BRI3BP: variants seen among roughly 807,000 people sequenced by gnomAD.
BRI3BP encodes the protein BRI3-binding protein.
A neutral mutation model predicts 15.8 loss-of-function variants in BRI3BP; 7 were observed. The observed-to-expected ratio is 0.44, with a 90% CI of 0.25 to 0.83. The LOEUF is 0.83. Ranked by LOEUF, BRI3BP falls within the 40% of genes least tolerant of loss-of-function variation. The pLI is 0.20. For synonymous variants in BRI3BP, 192 were observed against 163.5 expected (o/e 1.17, Z -1.33); for missense variants, 320 against 339.3 (o/e 0.94, Z 0.45).
At chr12:125,006,488 C>G (rs1955145299) in intron 1 of BRI3BP, among the ~76,000 whole-genome samples, 2 of 152,218 alleles carry the variant, frequency 1.3e-5, no homozygotes, top group South Asian at 4.1e-4. Flanking sequence ...GCTAGGAGCT[C>G]CTCAGGCACG....
chr12:125,011,719 AT>A (rs35706724), intron 1 of BRI3BP, among the ~76,000 whole-genome samples: 37,460 of 151,408 alleles, frequency 0.25, 4,692 homozygotes, highest in Non-Finnish European at 0.27. Flanking sequence ...AATATCACTA[AT>A]TTTTTAAAAA....
At chr12:125,042,638 G>A in the BRI3BP span, among the ~76,000 whole-genome samples, 28,214 of 151,770 alleles carry the variant, frequency 0.19, 2,813 homozygotes, top group Middle Eastern at 0.3. Context: ...GGGTTCAAGC[G>A]ATTCTCCTGC....
At chr12:125,050,443 A>G in the BRI3BP span, among the ~76,000 whole-genome samples, 9 of 152,232 alleles carry the variant, frequency 5.9e-5, no homozygotes, top group African/African-American at 2.2e-4. Context: ...AAGGCTAATA[A>G]AAATAAAAGA....
chr12:125,020,997 T>C (rs1325028394), intron 2 of BRI3BP, among the ~76,000 whole-genome samples: 1 of 152,144 alleles, frequency 6.6e-6, no homozygotes, highest in Non-Finnish European at 1.5e-5. Flanking sequence ...AAACGAAAGC[T>C]CTGGGGACGC....
Position 125,025,007 on chromosome 12 carries a change from G to C in BRI3BP, c.333G>C (p.Gln111His), listed in dbSNP as rs1277620980. ...VLGLDVSNLS[Q>H]YFSPASVSSS... The stretch of plus-strand genomic sequence containing the variant: ...GTCCCGCAGTCTCCAACCTGTCCCA[G>C]TATTTCAGCCCAGCCTCGGTGTCCA... The change falls in exon 3 of 3, where the codon CAG (glutamine) becomes CAC (histidine). Residue 111 changes from glutamine (Q) to histidine (H), a missense_variant. Gln to His is a conservative substitution (Grantham distance 24). Transcript: ENST00000341446. The C allele has an allele frequency of 6.2e-7, 1 of 1,612,810 alleles. No individual in the cohort carries two copies. Among genetic ancestry groups the C allele is most frequent in the South Asian group, 1.1e-5 (1 of 91,020 alleles).
chr12:124,994,514 A>T (rs1181288916), intron 1 of BRI3BP, among the ~76,000 whole-genome samples: 1 of 152,156 alleles, frequency 6.6e-6, no homozygotes, highest in Non-Finnish European at 1.5e-5. Flanking sequence ...CAGGAAAAGA[A>T]GGGAGCAATG....
chr12:124,995,348 C>T (rs910085371), intron 1 of BRI3BP, among the ~76,000 whole-genome samples: 2 of 152,044 alleles, frequency 1.3e-5, no homozygotes, highest in Non-Finnish European at 2.9e-5. Flanking sequence ...GGGAGTCTCA[C>T]TTACTTCCTC....
intron 1 of BRI3BP, among the ~76,000 whole-genome samples, chr12:125,004,744 C>T (rs961307844): frequency 6.6e-6 from 1 of 152,118 alleles, no homozygotes; most frequent in Admixed American, 6.6e-5. Context: ...CATCTGGGAT[C>T]CCACCCGATA....
rs1955013899 is a variant in BRI3BP at position 124,993,670 on chromosome 12, C to T, written c.-121C>T. On this transcript the variant is annotated 5_prime_UTR_variant, in exon 1 of 3. Transcript: ENST00000341446. Reference sequence around the variant, plus strand: ...GGTGGCGCAGCAGCGGCGGCGGCGGCTGTGGGTAAAGGCGCGGCGCGCGGC... The same window carrying T: ...GGTGGCGCAGCAGCGGCGGCGGCGGTTGTGGGTAAAGGCGCGGCGCGCGGC... The T allele has an allele frequency of 4.3e-6, 2 of 465,224 alleles. No individual in the cohort carries two copies. Among genetic ancestry groups the T allele is most frequent in the African/African-American group, 4.3e-5 (2 of 46,208 alleles). The allele number at this position is 465,224 out of a possible 1,614,324, so 28.8% of individuals were successfully genotyped here.
chr12:125,000,016 CT>C (rs66571863), intron 1 of BRI3BP, among the ~76,000 whole-genome samples: 9,254 of 40,832 alleles, frequency 0.23, 758 homozygotes, highest in Non-Finnish European at 0.26. Context: ...TTTGGTTTTT[CT>C]TTTTTTTTTT....
rs894810629 is a variant in BRI3BP, at chr12:125,002,377, C to T, written c.213+8374C>T. 2.0e-5 allele frequency among the ~76,000 whole-genome samples: 3 copies of T among 151,964 alleles called. No individual in the cohort carries two copies. The East Asian group carries it at 5.8e-4, about 29-fold the overall frequency. The stretch of plus-strand genomic sequence containing the variant: ...CTTGTCAGCACTTGCTATGGTCTAC[C>T]TTTTTAATTCTAGCCATCTTGGCAG... On this transcript the variant is annotated intron_variant, in intron 1 of 2. Coordinates refer to ENST00000341446, the MANE Select transcript of BRI3BP (RefSeq NM_080626.6).
the BRI3BP span, among the ~76,000 whole-genome samples, chr12:125,036,273 T>G: frequency 1.3e-5 from 2 of 151,434 alleles, no homozygotes; most frequent in African/African-American, 2.4e-5. Context: ...ACCATGTTGG[T>G]CAGACTGGTC....
At chr12:125,011,824 T>G (rs1955199149) in intron 1 of BRI3BP, among the ~76,000 whole-genome samples, 1 of 152,150 alleles carries the variant, frequency 6.6e-6, no homozygotes, top group Non-Finnish European at 1.5e-5. Flanking sequence ...TCAGGGTCCT[T>G]AGAGTTGGAT....
chr12:125,002,530 C>T (rs12817718), intron 1 of BRI3BP, among the ~76,000 whole-genome samples: 5 of 150,038 alleles, frequency 3.3e-5, no homozygotes, highest in Middle Eastern at 3.4e-3. Flanking sequence ...AATCTCTGCT[C>T]ACTGCAACCT....
chr12:125,010,535 T>C (rs1027452581), intron 1 of BRI3BP, among the ~76,000 whole-genome samples: 1 of 152,124 alleles, frequency 6.6e-6, no homozygotes, highest in African/African-American at 2.4e-5. Context: ...TCCCAGCACT[T>C]TGGGAAGCTG....
In BRI3BP at chr12:125,028,961, C is replaced by T. The variant is rs755380805; in HGVS notation, c.*3531C>T. The T allele has an allele frequency of 3.3e-5, 5 of 152,086 alleles. No individual in the cohort carries two copies. Among genetic ancestry groups the T allele is most frequent in the African/African-American group, 7.2e-5 (3 of 41,408 alleles). The allele number at this position is 152,086 out of a possible 1,614,324, so 9.4% of individuals were successfully genotyped here. On this transcript the variant is annotated 3_prime_UTR_variant, in exon 3 of 3. Transcript: ENST00000341446. ...TAGCGTAACACTTCACTGAATGTGA[C>T]GTAAAAGCATTCTGATGAAAACTGG...
rs191117743 is a variant in BRI3BP, at chr12:125,005,643, C to T, written c.214-6891C>T. ...AAAATTAGCCAGACATGGTGCCTTA[C>T]GCCTGTAATCCCAGCTACTCGGGAG... On this transcript the variant is annotated intron_variant, in intron 1 of 2. Transcript: ENST00000341446. Among the ~76,000 whole-genome samples the T allele has an allele frequency of 6.6e-5, 10 of 152,166 alleles. No homozygotes were observed. The East Asian group carries it at 1.4e-3, about 21-fold the overall frequency.
intron 2 of BRI3BP, among the ~76,000 whole-genome samples, chr12:125,018,403 G>C (rs541388398): frequency 1.3e-5 from 2 of 152,314 alleles, no homozygotes; most frequent in South Asian, 4.1e-4. Flanking sequence ...TCATACTGGA[G>C]TAGGGTGAGT....
chr12:125,015,604 C>T (rs1032162150), intron 2 of BRI3BP, among the ~76,000 whole-genome samples: 2 of 152,154 alleles, frequency 1.3e-5, no homozygotes, highest in African/African-American at 4.8e-5. Flanking sequence ...CTCTCAGCAG[C>T]GCCCATTGGT....
Sources: allele counts gnomAD v4.1 joint callset (sites outside exome capture counted in the v4.1 genomes callset), GRCh38; gene constraint gnomAD v4.1.1; transcripts MANE v1.5; gene names NCBI Gene and HGNC (gene_info 2026-07-23, HGNC 2026-07-21).